The following YJU2 variants were observed in gnomAD, a reference collection of about 807,000 sequenced individuals.
YJU2 encodes the protein YJU2 splicing factor homolog.
In YJU2, 28 loss-of-function variants were observed where a neutral mutation model predicts 39.6. The observed-to-expected ratio is 0.71, with a 90% CI of 0.52 to 0.97. The LOEUF (loss-of-function observed/expected upper bound fraction) is 0.97. Ranked by LOEUF, YJU2 falls within the 50% of genes least tolerant of loss-of-function variation. The probability of loss-of-function intolerance (pLI) is 0.00; values close to 1 mark genes in which losing one functional copy is unlikely to be tolerated. For missense variants in YJU2, 328 were observed against 430.4 expected, an observed-to-expected ratio of 0.76 and a Z score of 2.11; for synonymous variants, 184 against 182.4, an observed-to-expected ratio of 1.01 and a Z score of -0.07.
intron 6 of YJU2, 37 bp from the exon 7 acceptor site, chr19:4,267,587 C>T (rs771095765): frequency 8.1e-6 from 13 of 1,599,646 alleles, no homozygotes; most frequent in East Asian, 2.2e-5. Flanking sequence ...GCCCTGGATC[C>T]GGGCCAGACC....
chr19:4,253,759 T>C (rs1170497708), intron 3 of YJU2, among the ~76,000 whole-genome samples: 1 of 152,026 alleles, frequency 6.6e-6, no homozygotes, highest in East Asian at 1.9e-4. Context: ...ACATGTGATT[T>C]ATAATCAAAG....
intron 1 of YJU2, 28 bp downstream of exon 1, chr19:4,247,198 A>C: frequency 1.2e-6 from 2 of 1,610,090 alleles, no homozygotes; most frequent in Non-Finnish European, 1.7e-6. Flanking sequence ...GGGGCTTTTC[A>C]ATCGGAGCAG....
At chr19:4,267,004 CT>C (rs1400306881) in intron 6 of YJU2, among the ~76,000 whole-genome samples, 1 of 152,096 alleles carries the variant, frequency 6.6e-6, no homozygotes, top group African/African-American at 2.4e-5. Flanking sequence ...TAAAGGGTCC[CT>C]TCTGTTGCAG....
chr19:4,256,181 A>AATAT lies in YJU2; in HGVS notation c.405+1715_405+1718dup, dbSNP rs1555725229. 2.2e-3 allele frequency among the ~76,000 whole-genome samples: 282 copies of AATAT among 125,836 alleles called. 2 individuals are homozygous for AATAT. Among genetic ancestry groups the AATAT allele is most frequent in the Admixed American group, 3.4e-3 (41 of 12,114 alleles). The allele number at this position is 125,836 out of a possible 152,430, so 82.6% of individuals were successfully genotyped here. The stretch of plus-strand genomic sequence containing the variant: ...AGCAAGACTGTCGCAAAAAAAAAAA[A>AATAT]ATATATATATATATATATATATATA... On this transcript the variant is annotated intron_variant, in intron 4 of 7. Transcript: ENST00000262962.
At chr19:4,265,174 T>G (rs1189636421) in intron 6 of YJU2, among the ~76,000 whole-genome samples, 3 of 152,196 alleles carry the variant, frequency 2.0e-5, no homozygotes, top group Non-Finnish European at 4.4e-5. Flanking sequence ...GTGATTCACC[T>G]TCATCAAGAC....
chr19:4,263,491 C>T (rs1233198384), intron 6 of YJU2, among the ~76,000 whole-genome samples: 8 of 152,112 alleles, frequency 5.3e-5, no homozygotes, highest in South Asian at 2.1e-4. Flanking sequence ...CCAGCTGGTC[C>T]GTGCCTGGCT....
chr19:4,260,367 A>G (rs1045693852), intron 5 of YJU2, among the ~76,000 whole-genome samples: 13 of 152,078 alleles, frequency 8.5e-5, no homozygotes, highest in African/African-American at 2.9e-4. Flanking sequence ...GGCAGAGGTT[A>G]TAGTGAGCCG....
rs1300422995 is a variant in YJU2 at position 4,257,539 on chromosome 19, T to C, written c.406-703T>C. Among the ~76,000 whole-genome samples the C allele has an allele frequency of 9.9e-5, 15 of 152,044 alleles. No homozygotes were observed. The East Asian group carries it at 2.7e-3, about 27-fold the overall frequency. On this transcript the variant is annotated intron_variant, in intron 4 of 7. Transcript: ENST00000262962. ...CCCAGGTTGGAGTCCAGTGGTGCAA[T>C]CTTGGTTCACTGCAACCTCTGCCTC... is the stretch of plus-strand genomic sequence containing the variant.
chr19:4,262,150 T>C, intron 6 of YJU2, 36 bp downstream of exon 6: 1 of 1,566,046 alleles, frequency 6.4e-7, no homozygotes, highest in African/African-American at 1.4e-5. Flanking sequence ...GGCTCCCAGG[T>C]GAACTAGGGA....
chr19:4,268,392 G>A (rs1161832190), intron 7 of YJU2, among the ~76,000 whole-genome samples, 192 bp from the exon 8 acceptor site: 4 of 152,242 alleles, frequency 2.6e-5, no homozygotes, highest in Non-Finnish European at 5.9e-5. Flanking sequence ...GTTCAGAAGC[G>A]GAGCTGTTGA....
intron 6 of YJU2, among the ~76,000 whole-genome samples, chr19:4,262,954 A>G (rs112812947): frequency 0.014 from 2,103 of 151,754 alleles, 46 homozygotes; most frequent in African/African-American, 0.049. Flanking sequence ...CACGCTTGTA[A>G]TCCCAGCTAC....
At chr19:4,265,068 A>G (rs969198743) in intron 6 of YJU2, among the ~76,000 whole-genome samples, 6 of 152,028 alleles carry the variant, frequency 3.9e-5, no homozygotes, top group Non-Finnish European at 7.4e-5. Flanking sequence ...TCAACAGAGT[A>G]AAGGTACTTT....
chr19:4,261,169 C>T (rs909384013), intron 5 of YJU2, among the ~76,000 whole-genome samples: 1 of 152,130 alleles, frequency 6.6e-6, no homozygotes, highest in Non-Finnish European at 1.5e-5. Flanking sequence ...ACAGGGATTA[C>T]AGACATCAGC....
At chr19:4,257,527 C>T (rs901701686) in intron 4 of YJU2, among the ~76,000 whole-genome samples, 2 of 151,524 alleles carry the variant, frequency 1.3e-5, no homozygotes, top group African/African-American at 4.9e-5. Context: ...AGGTTGGAGT[C>T]CAGTGGTGCA....
intron 3 of YJU2, among the ~76,000 whole-genome samples, chr19:4,252,855 G>T (rs193173488): frequency 3.0e-4 from 45 of 152,234 alleles, no homozygotes; most frequent in Admixed American, 7.9e-4. Flanking sequence ...GAGTCTGGGA[G>T]GCCAAGGCTG....
chr19:4,247,122 C>T lies in YJU2; in HGVS notation c.-25C>T. The T allele has an allele frequency of 6.2e-7, 1 of 1,612,334 alleles. No homozygotes were observed. Among genetic ancestry groups the T allele is most frequent in the Admixed American group, 1.7e-5 (1 of 59,998 alleles). On this transcript the variant is annotated 5_prime_UTR_variant, in exon 1 of 8. Transcript: ENST00000262962. ...ACCCAGCCTAACCATTTCTCAGGTG[C>T]TTGCGAGGTGATCAGAAGGCAAAGA... is the stretch of plus-strand genomic sequence containing the variant.
intron 3 of YJU2, among the ~76,000 whole-genome samples, chr19:4,253,678 T>C (rs1342362817): frequency 1.3e-4 from 20 of 152,214 alleles, no homozygotes. Flanking sequence ...GTGTGTAATT[T>C]AAGATACCAG....
chr19:4,252,465 G>A (rs1484174856), intron 3 of YJU2, among the ~76,000 whole-genome samples: 3 of 151,918 alleles, frequency 2.0e-5, no homozygotes, highest in Non-Finnish European at 4.4e-5. Flanking sequence ...TTAGCCAGGC[G>A]TGGTGGCGGG....
intron 4 of YJU2, among the ~76,000 whole-genome samples, chr19:4,254,898 A>C (rs1434479118): frequency 1.3e-5 from 2 of 152,008 alleles, no homozygotes; most frequent in African/African-American, 4.8e-5. Context: ...TCTACTAAAA[A>C]TACAAAAATT....
Sources: gnomAD v4.1 joint callset for allele counts (sites outside exome capture counted in the v4.1 genomes callset) on GRCh38, gnomAD v4.1.1 for gene constraint, MANE v1.5 for transcripts, NCBI Gene and HGNC (gene_info 2026-07-23, HGNC 2026-07-21) for gene names.